The following UBE2D1 variants were observed in gnomAD, a reference collection of about 807,000 sequenced individuals.
The protein encoded by UBE2D1 is ubiquitin conjugating enzyme E2 D1, also known as ubiquitin-conjugating enzyme E2 D1.
UBE2D1 carries 9 observed loss-of-function variants against 24.6 expected under a neutral mutation model. The ratio of observed to expected loss-of-function variants is 0.37; its 90% CI spans 0.22 to 0.64. The LOEUF is 0.64. Among genes scored for constraint, UBE2D1 ranks in the 30% least tolerant of loss-of-function variants. The probability of loss-of-function intolerance (pLI) is 0.64; values close to 1 mark genes in which losing one functional copy is unlikely to be tolerated. For synonymous variants in UBE2D1, 57 were observed against 57.6 expected (o/e 0.99, Z 0.04); for missense variants, 87 against 177.1 (o/e 0.49, Z 2.89).
chr10:58,363,457 T>C, intron 3 of UBE2D1, 152 bp from the exon 4 acceptor site: 1 of 570,102 alleles, frequency 1.8e-6, no homozygotes. Context: ...TATGACAAAA[T>C]GGTTGCATTT....
intron 1 of UBE2D1, among the ~76,000 whole-genome samples, chr10:58,337,745 C>G (rs989931206): frequency 1.3e-5 from 2 of 152,018 alleles, no homozygotes; most frequent in African/African-American, 4.8e-5. Context: ...TCCCTCAGAT[C>G]GGTTGGGGTG....
intron 1 of UBE2D1, among the ~76,000 whole-genome samples, chr10:58,341,049 T>A (rs769166020): frequency 4.6e-5 from 7 of 152,260 alleles, no homozygotes; most frequent in Non-Finnish European, 1.0e-4. Context: ...TGCTCCAAAG[T>A]AACACATGCT....
At chr10:58,356,670 C>G (rs1461048970) in intron 1 of UBE2D1, among the ~76,000 whole-genome samples, 2 of 152,250 alleles carry the variant, frequency 1.3e-5, no homozygotes, top group East Asian at 1.9e-4. Flanking sequence ...AAGACTGTAT[C>G]AACTTATCCT....
chr10:58,370,557 A>G lies in UBE2D1; in HGVS notation c.*1792A>G, dbSNP rs1163018136. 1 of 152,618 alleles carries G rather than the reference A, an allele frequency of 6.6e-6. No individual in the cohort carries two copies. Among genetic ancestry groups the G allele is most frequent in the Non-Finnish European group, 1.5e-5 (1 of 67,982 alleles). 9.5% of individuals were successfully genotyped at this position (152,618 alleles called of 1,614,324 possible). ...AAAAATTCTACTTAGCTATATTATTATAAGCTACATTTGCCCTGAATTTGA... is the reference window on the plus strand; with the variant it reads ...AAAAATTCTACTTAGCTATATTATTGTAAGCTACATTTGCCCTGAATTTGA... On this transcript the variant is annotated 3_prime_UTR_variant, in exon 7 of 7. Coordinates refer to ENST00000373910, the MANE Select transcript of UBE2D1 (RefSeq NM_003338.5).
chr10:58,366,984 T>A (rs1381486457), intron 5 of UBE2D1, among the ~76,000 whole-genome samples: 1 of 152,194 alleles, frequency 6.6e-6, no homozygotes, highest in Non-Finnish European at 1.5e-5. Flanking sequence ...CCTGTTGGTT[T>A]AATATACAAG....
At chr10:58,344,036 T>C (rs1371744903) in intron 1 of UBE2D1, among the ~76,000 whole-genome samples, 2 of 152,196 alleles carry the variant, frequency 1.3e-5, no homozygotes, top group Admixed American at 1.3e-4. Context: ...TTAAGTTGTG[T>C]ATAATTTCCT....
At position 58,338,928 on chromosome 10, in the gene UBE2D1, A is replaced by G. The variant is rs138457602; in HGVS notation, c.24+3703A>G. On this transcript the variant is annotated intron_variant, in intron 1 of 6. Coordinates refer to ENST00000373910, the MANE Select transcript of UBE2D1 (RefSeq NM_003338.5). Reference sequence around the variant, plus strand: ...AGTTGTTTTTGTTTTTTAATAATCAATGTAATCTGAAACATATATAGAGAG... The same window carrying G: ...AGTTGTTTTTGTTTTTTAATAATCAGTGTAATCTGAAACATATATAGAGAG... 5.3e-4 allele frequency among the ~76,000 whole-genome samples: 80 copies of G among 152,320 alleles called. 1 individual carries two copies. The East Asian group carries it at 0.014, about 27-fold the overall frequency.
At position 58,361,643 on chromosome 10, in the gene UBE2D1, T is replaced by G. The variant is rs533887803; in HGVS notation, c.120+117T>G. 168 of 1,356,488 alleles carry G rather than the reference T, an allele frequency of 1.2e-4. 1 individual carries two copies. Among genetic ancestry groups the G allele is most frequent in the Non-Finnish European group, 1.7e-4 (165 of 974,006 alleles). 84.0% of individuals were successfully genotyped at this position (1,356,488 alleles called of 1,614,324 possible). On this transcript the variant is annotated intron_variant, in intron 3 of 6. Coordinates refer to ENST00000373910, the MANE Select transcript of UBE2D1 (RefSeq NM_003338.5). ...GAATATTCTTGTACTTTGAATCACC[T>G]AGGAAGCAAAATATTATTAAGGATT...
At chr10:58,349,711 A>T (rs925031726) in intron 1 of UBE2D1, among the ~76,000 whole-genome samples, 2 of 152,146 alleles carry the variant, frequency 1.3e-5, no homozygotes, top group Non-Finnish European at 2.9e-5. Context: ...ATACAGCTTG[A>T]CCAATTTTTA....
chr10:58,338,595 CT>C (rs543720971), intron 1 of UBE2D1, among the ~76,000 whole-genome samples: 1 of 152,126 alleles, frequency 6.6e-6, no homozygotes, highest in Non-Finnish European at 1.5e-5. Flanking sequence ...ACTTGAAACA[CT>C]TTTTTTGGGG....
intron 6 of UBE2D1, 38 bp downstream of exon 6, chr10:58,368,054 T>C: frequency 7.0e-7 from 1 of 1,430,214 alleles, no homozygotes; most frequent in Non-Finnish European, 9.8e-7. Context: ...TATGGATACA[T>C]TCCTATATAG....
At chr10:58,357,922 T>G (rs2132327298) in intron 1 of UBE2D1, among the ~76,000 whole-genome samples, 1 of 152,290 alleles carries the variant, frequency 6.6e-6, no homozygotes, top group East Asian at 1.9e-4. Flanking sequence ...GCTTAAGAAC[T>G]CGGCCTTTTC....
rs761141950 is a variant in UBE2D1, at chr10:58,361,401, T to A, written c.88T>A (p.Leu30Met). 6.2e-7 allele frequency: 1 copy of A among 1,614,234 alleles called. No homozygotes were observed. Among genetic ancestry groups the A allele is most frequent in the South Asian group, 1.1e-5 (1 of 91,086 alleles). ...HCSAGPVGDD[L>M]FHWQATIMGP... is the part of the protein sequence containing the mutation. ...TTCAGCTGGACCTGTGGGAGATGAC[T>A]GTAAGCCTTGCTCTATTTCTGGGAT... Residue 30 changes from leucine (L) to methionine (M), a missense_variant and splice_region_variant, in exon 2 of 7, where the codon TTG becomes ATG. By Grantham distance (15) the Leu-to-Met change is conservative (BLOSUM62 2). Transcript: ENST00000373910.
intron 1 of UBE2D1, among the ~76,000 whole-genome samples, chr10:58,339,565 C>T (rs1271878977): frequency 2.3e-4 from 35 of 152,134 alleles, no homozygotes; most frequent in Admixed American, 2.3e-3. Context: ...CGTTACTCTG[C>T]CTTCTAAGTA....
At chr10:58,336,158 C>G (rs538043511) in intron 1 of UBE2D1, among the ~76,000 whole-genome samples, 1 of 152,268 alleles carries the variant, frequency 6.6e-6, no homozygotes, top group Admixed American at 6.5e-5. Flanking sequence ...CAGATTCGGG[C>G]ATTTCTTTCT....
Position 58,370,647 on chromosome 10 carries a change from AT to A in UBE2D1, c.*1883del, listed in dbSNP as rs1209056434. Reference sequence around the variant, plus strand: ...GATAGTAAAGGGTTTTGTTTCTTGAATATCTTCACTTTAAACAAAAAAAAAA... The same window carrying A: ...GATAGTAAAGGGTTTTGTTTCTTGAAATCTTCACTTTAAACAAAAAAAAAA... On this transcript the variant is annotated 3_prime_UTR_variant, in exon 7 of 7. Coordinates refer to ENST00000373910, the MANE Select transcript of UBE2D1 (RefSeq NM_003338.5). 7.1e-6 allele frequency: 1 copy of A among 140,928 alleles called. No individual in the cohort carries two copies. The highest frequency in any genetic ancestry group is 2.8e-5 in the African/African-American group (1 of 36,158). 8.7% of individuals were successfully genotyped at this position (140,928 alleles called of 1,614,324 possible).
At chr10:58,358,699 C>A (rs1840159537) in intron 1 of UBE2D1, among the ~76,000 whole-genome samples, 1 of 152,098 alleles carries the variant, frequency 6.6e-6, no homozygotes, top group African/African-American at 2.4e-5. Flanking sequence ...AACTTCAAAG[C>A]CTTGCTGCTT....
intron 1 of UBE2D1, among the ~76,000 whole-genome samples, chr10:58,346,770 C>T (rs979091293): frequency 1.7e-4 from 26 of 152,136 alleles, no homozygotes; most frequent in Non-Finnish European, 3.7e-4. Flanking sequence ...TGACATGGCT[C>T]TTCAAGAAGA....
At chr10:58,341,499 A>G (rs1390448778) in intron 1 of UBE2D1, among the ~76,000 whole-genome samples, 1 of 152,098 alleles carries the variant, frequency 6.6e-6, no homozygotes, top group Non-Finnish European at 1.5e-5. Flanking sequence ...TCTTCATCGC[A>G]ATAGAGGTAT....
Sources: gnomAD v4.1 joint callset for allele counts (sites outside exome capture counted in the v4.1 genomes callset) on GRCh38, gnomAD v4.1.1 for gene constraint, MANE v1.5 for transcripts, NCBI Gene and HGNC (gene_info 2026-07-23, HGNC 2026-07-21) for gene names.